Variants in NCAM2 observed in about 807,000 individuals in gnomAD.
The protein encoded by NCAM2 is N-CAM-2.
In NCAM2, 30 loss-of-function variants were observed where a neutral mutation model predicts 98.1. That is an observed-to-expected ratio of 0.31 (90% CI 0.23 to 0.41). The LOEUF (loss-of-function observed/expected upper bound fraction) is 0.41. Ranked by LOEUF, NCAM2 falls within the 10% of genes least tolerant of loss-of-function variation. The pLI, the probability that NCAM2 is intolerant of heterozygous loss-of-function variation, is 1.00. For synonymous variants in NCAM2, 368 were observed against 342.4 expected (o/e 1.07, Z -0.83); for missense variants, 867 against 1,005.8 (o/e 0.86, Z 1.87).
At chr21:21,379,077 G>T (rs2076094373) in intron 9 of NCAM2, among the ~76,000 whole-genome samples, 1 of 151,846 alleles carries the variant, frequency 6.6e-6, no homozygotes, top group Admixed American at 6.6e-5. Context: ...TTAATTTTGA[G>T]TTCATTTTTG....
chr21:21,365,634 C>G (rs2075767031), intron 8 of NCAM2, among the ~76,000 whole-genome samples: 1 of 151,920 alleles, frequency 6.6e-6, no homozygotes, highest in Non-Finnish European at 1.5e-5. Flanking sequence ...GGCGAGAACA[C>G]TACCCGATCA....
chr21:21,535,063 G>A (rs910277638), intron 17 of NCAM2, among the ~76,000 whole-genome samples: 15 of 151,994 alleles, frequency 9.9e-5, no homozygotes, highest in African/African-American at 3.6e-4. Context: ...TGAAATATAC[G>A]CACGGCTATT....
rs147398555 is a variant in NCAM2, at chr21:21,474,049, G to A, written c.1897-3242G>A. Among the ~76,000 whole-genome samples the A allele has an allele frequency of 4.2e-3, 638 of 151,948 alleles. 8 individuals carry two copies. The highest frequency in any genetic ancestry group is 0.015 in the African/African-American group (602 of 41,442). On this transcript the variant is annotated intron_variant, in intron 14 of 17. Transcript: ENST00000400546. ...ATCTCATTAAGTTACCTAGGGGAAC[G>A]TTTTGCAACTAGATTATCTTAAATT...
chr21:21,196,214 C>T (rs1284394594), intron 1 of NCAM2, among the ~76,000 whole-genome samples: 1 of 152,170 alleles, frequency 6.6e-6, no homozygotes, highest in Non-Finnish European at 1.5e-5. Context: ...GCTGTCAGCA[C>T]CCCTAAGGAC....
intron 1 of NCAM2, among the ~76,000 whole-genome samples, chr21:21,187,038 T>A (rs1392288718): frequency 6.6e-6 from 1 of 152,088 alleles, no homozygotes; most frequent in Non-Finnish European, 1.5e-5. Context: ...GAGAGCAGCC[T>A]GGCCAACATG....
chr21:21,474,482 A>G (rs909783785), intron 14 of NCAM2, among the ~76,000 whole-genome samples: 15 of 152,096 alleles, frequency 9.9e-5, no homozygotes, highest in Admixed American at 8.5e-4. Flanking sequence ...CATGACATCT[A>G]TCTATCCCTC....
chr21:21,461,455 C>G (rs1221519186), intron 12 of NCAM2, among the ~76,000 whole-genome samples: 1 of 151,708 alleles, frequency 6.6e-6, no homozygotes, highest in African/African-American at 2.4e-5. Context: ...ATAAGCAGTA[C>G]AATAAATATG....
intron 14 of NCAM2, among the ~76,000 whole-genome samples, chr21:21,476,403 T>A (rs1317439520): frequency 6.6e-6 from 1 of 152,064 alleles, no homozygotes; most frequent in African/African-American, 2.4e-5. Context: ...CCTCATTGCT[T>A]TTCCAAAAAC....
intron 1 of NCAM2, among the ~76,000 whole-genome samples, chr21:21,004,455 T>G (rs1035232139): frequency 1.5e-4 from 23 of 152,148 alleles, no homozygotes; most frequent in Admixed American, 7.2e-4. Context: ...GGGAGTAGAT[T>G]TTCCAACTTC....
At chr21:21,036,916 A>G (rs2064811874) in intron 1 of NCAM2, among the ~76,000 whole-genome samples, 1 of 152,212 alleles carries the variant, frequency 6.6e-6, no homozygotes, top group Admixed American at 6.5e-5. Context: ...TGTTTATTTC[A>G]CTAATATAGG....
At chr21:21,407,926 G>T (rs2076775984) in intron 9 of NCAM2, among the ~76,000 whole-genome samples, 1 of 152,130 alleles carries the variant, frequency 6.6e-6, no homozygotes, top group African/African-American at 2.4e-5. Flanking sequence ...TCAGTTGTGT[G>T]TTCTTAGATT....
chr21:21,111,018 A>G (rs2826658), intron 1 of NCAM2, among the ~76,000 whole-genome samples: 43,450 of 151,942 alleles, frequency 0.29, 7,099 homozygotes, highest in African/African-American at 0.44. Context: ...CAGGAAAAGT[A>G]TATTTGTTGT....
intron 16 of NCAM2, among the ~76,000 whole-genome samples, chr21:21,516,727 C>T (rs11088864): frequency 0.23 from 35,456 of 151,980 alleles, 4,420 homozygotes; most frequent in Admixed American, 0.32. Context: ...GCTTATGCTT[C>T]ACTAAAGCTG....
intron 2 of NCAM2, among the ~76,000 whole-genome samples, chr21:21,283,359 C>A (rs1455156376): frequency 6.6e-6 from 1 of 151,888 alleles, no homozygotes; most frequent in African/African-American, 2.4e-5. Flanking sequence ...TAAATGATAT[C>A]TGAAGTAATT....
chr21:21,135,315 A>G (rs1263660098), intron 1 of NCAM2, among the ~76,000 whole-genome samples: 3 of 151,598 alleles, frequency 2.0e-5, no homozygotes, highest in Non-Finnish European at 4.4e-5. Context: ...TGCTGGGACT[A>G]CAAGCATGAG....
chr21:21,247,755 T>TA, intron 1 of NCAM2, among the ~76,000 whole-genome samples: 1 of 152,334 alleles, frequency 6.6e-6, no homozygotes, highest in African/African-American at 2.4e-5. Context: ...GTCCAGTACA[T>TA]ACTTTTTATG....
intron 1 of NCAM2, among the ~76,000 whole-genome samples, chr21:21,110,967 A>G (rs2066442722): frequency 6.6e-6 from 1 of 152,110 alleles, no homozygotes; most frequent in African/African-American, 2.4e-5. Context: ...GGATACATTA[A>G]AGTTCTGCTT....
intron 12 of NCAM2, among the ~76,000 whole-genome samples, chr21:21,460,551 A>G (rs1013312694): frequency 1.1e-4 from 16 of 151,988 alleles, no homozygotes; most frequent in African/African-American, 3.6e-4. Context: ...ATAAAGGATA[A>G]CTACTATAGA....
chr21:21,255,777 T>G (rs1399562733), intron 1 of NCAM2, among the ~76,000 whole-genome samples: 1 of 152,146 alleles, frequency 6.6e-6, no homozygotes, highest in African/African-American at 2.4e-5. Context: ...TAGGCTGAGA[T>G]GTGCCTTATC....
Sources: allele counts gnomAD v4.1 joint callset (sites outside exome capture counted in the v4.1 genomes callset), GRCh38; gene constraint gnomAD v4.1.1; transcripts MANE v1.5; gene names NCBI Gene and HGNC (gene_info 2026-07-23, HGNC 2026-07-21).